PLEKHA8: variants seen among roughly 807,000 people sequenced by gnomAD.
The protein encoded by PLEKHA8 is pleckstrin homology domain-containing family A member 8.
In PLEKHA8, 36 loss-of-function variants were observed where a neutral mutation model predicts 68.2. That is an observed-to-expected ratio of 0.53 (90% confidence interval 0.40 to 0.70). The LOEUF (loss-of-function observed/expected upper bound fraction) is 0.70. Among genes scored for constraint, PLEKHA8 ranks in the 30% least tolerant of loss-of-function variants. The probability of loss-of-function intolerance (pLI) is 0.00; values close to 1 mark genes in which losing one functional copy is unlikely to be tolerated. For missense variants in PLEKHA8, 505 were observed against 615.4 expected (o/e 0.82, Z 1.90); for synonymous variants, 211 against 216.1 (o/e 0.98, Z 0.20).
intron 13 of PLEKHA8, among the ~76,000 whole-genome samples, chr7:30,112,635 A>G (rs956450603): frequency 1.9e-4 from 29 of 151,864 alleles, no homozygotes; most frequent in Non-Finnish European, 5.9e-5. Flanking sequence ...GGATAGCTTG[A>G]GGCTGGGAGG....
chr7:30,080,449 A>T lies in PLEKHA8; in HGVS notation c.*1662A>T. The T allele has an allele frequency of 1.0e-6, 1 of 985,304 alleles. No individual in the cohort carries two copies. Among genetic ancestry groups the T allele is most frequent in the Non-Finnish European group, 1.2e-6 (1 of 829,896 alleles). The allele number at this position is 985,304 out of a possible 1,614,324, so 61.0% of individuals were successfully genotyped here. ...GTTGAATTGAGAGCATCATCTCTAGATGATGCTGTTCCTGCTGCAGATCTC... is the reference window on the plus strand; with the variant it reads ...GTTGAATTGAGAGCATCATCTCTAGTTGATGCTGTTCCTGCTGCAGATCTC... On this transcript the variant is annotated 3_prime_UTR_variant, in exon 14 of 14. Coordinates refer to ENST00000449726, the MANE Select transcript of PLEKHA8 (RefSeq NM_001197026.2).
intron 1 of PLEKHA8, among the ~76,000 whole-genome samples, chr7:30,039,551 C>A (rs1583778909): frequency 6.6e-6 from 1 of 152,120 alleles, no homozygotes; most frequent in South Asian, 2.1e-4. Context: ...AAGATTTATT[C>A]TTAAGTAGTT....
chr7:30,077,770 T>G (rs1794698706), intron 13 of PLEKHA8, among the ~76,000 whole-genome samples: 1 of 152,104 alleles, frequency 6.6e-6, no homozygotes, highest in Non-Finnish European at 1.5e-5. Flanking sequence ...AATTCAAGAT[T>G]CTTCAAAAAG....
intron 10 of PLEKHA8, among the ~76,000 whole-genome samples, chr7:30,061,368 C>T (rs1793424817): frequency 1.3e-5 from 2 of 152,202 alleles, no homozygotes; most frequent in Admixed American, 6.5e-5. Flanking sequence ...GGACCATCAA[C>T]AACTCACCAA....
At chr7:30,068,046 C>G (rs1033044837) in intron 12 of PLEKHA8, among the ~76,000 whole-genome samples, 2 of 152,248 alleles carry the variant, frequency 1.3e-5, no homozygotes, top group Non-Finnish European at 1.5e-5. Flanking sequence ...CTCTGGCTGT[C>G]TACAGACTGG....
At chr7:30,113,241 C>T (rs1473684334) in intron 13 of PLEKHA8, among the ~76,000 whole-genome samples, 1 of 152,116 alleles carries the variant, frequency 6.6e-6, no homozygotes, top group Non-Finnish European at 1.5e-5. Context: ...TAAAATGTTC[C>T]CATAGTAACA....
intron 13 of PLEKHA8, chr7:30,115,883 T>A (rs372331111): frequency 1.4e-5 from 2 of 144,672 alleles, no homozygotes; most frequent in Non-Finnish European, 3.1e-5. Flanking sequence ...TAGGCACGCA[T>A]ACATGCGTAT....
At chr7:30,041,778 G>C (rs1406952969) in intron 1 of PLEKHA8, among the ~76,000 whole-genome samples, 2 of 152,098 alleles carry the variant, frequency 1.3e-5, no homozygotes, top group Non-Finnish European at 2.9e-5. Flanking sequence ...ATTCTTGTAA[G>C]ATAAAACTAG....
chr7:30,028,516 A>T lies in PLEKHA8; in HGVS notation c.-247A>T, dbSNP rs1790379421. 5 of 365,330 alleles carry T rather than the reference A, an allele frequency of 1.4e-5. No homozygotes were observed. Among genetic ancestry groups the T allele is most frequent in the Non-Finnish European group, 2.4e-5 (5 of 204,940 alleles). The allele number at this position is 365,330 out of a possible 1,614,324, so 22.6% of individuals were successfully genotyped here. On this transcript the variant is annotated 5_prime_UTR_variant, in exon 1 of 14. Coordinates refer to ENST00000449726, the MANE Select transcript of PLEKHA8 (RefSeq NM_001197026.2). ...GGGCCCGGACCCGGGCCTCCTTGTG[A>T]ACAGCGTGCCGGCTTCGCCCCACGG...
At chr7:30,125,651 C>T (rs1796760096) in intron 13 of PLEKHA8, among the ~76,000 whole-genome samples, 1 of 152,148 alleles carries the variant, frequency 6.6e-6, no homozygotes, top group Non-Finnish European at 1.5e-5. Flanking sequence ...TAAAATGTTT[C>T]CTTAGCCTGG....
In PLEKHA8 at chr7:30,082,166, T is replaced by C. The variant is rs887531303; in HGVS notation, c.*3379T>C. 5.1e-6 allele frequency: 5 copies of C among 985,420 alleles called. No individual in the cohort carries two copies. In the African/African-American group the frequency reaches 8.7e-5, roughly 17 times the overall value. The allele number at this position is 985,420 out of a possible 1,614,324, so 61.0% of individuals were successfully genotyped here. A position where few individuals can be genotyped will look rare whatever the true frequency, so the allele number is the denominator to read the frequency against. On this transcript the variant is annotated 3_prime_UTR_variant, in exon 14 of 14. Transcript: ENST00000449726. Reference sequence around the variant, plus strand: ...ATAAGTAGTGGCTTGAGGCACCTTCTTATCATTTTTTGCATGTTATTCTGA... The same window carrying C: ...ATAAGTAGTGGCTTGAGGCACCTTCCTATCATTTTTTGCATGTTATTCTGA...
chr7:30,028,777 G>A lies in PLEKHA8; in HGVS notation c.15G>A (p.Leu5=). The stretch of plus-strand genomic sequence containing the variant: ...CCGCGGGCGCCATGGAGGGGGTGCT[G>A]TACAAGTGGACCAACTATCTGAGCG... MEGV[L]YKWTNYLSGW... Residue 5 remains leucine, a synonymous_variant, in exon 1 of 14, where the codon CTG becomes CTA. Transcript: ENST00000449726. 3 of 1,271,420 alleles carry A rather than the reference G, an allele frequency of 2.4e-6. No homozygotes were observed. Among genetic ancestry groups the A allele is most frequent in the Non-Finnish European group, 2.0e-6 (2 of 1,002,672 alleles). The allele number at this position is 1,271,420 out of a possible 1,614,324, so 78.8% of individuals were successfully genotyped here. A position where few individuals can be genotyped will look rare whatever the true frequency, so the allele number is the denominator to read the frequency against.
chr7:30,040,488 G>T (rs560523193), intron 1 of PLEKHA8, among the ~76,000 whole-genome samples: 48 of 152,158 alleles, frequency 3.2e-4, no homozygotes, highest in Non-Finnish European at 6.0e-4. Context: ...AATTGTCTCC[G>T]GTTGGGCCAC....
At chr7:30,094,368 G>C (rs1795525916), downstream of PLEKHA8, among the ~76,000 whole-genome samples, 2 of 151,272 alleles carry the variant, frequency 1.3e-5, no homozygotes, top group African/African-American at 4.9e-5. Flanking sequence ...TCCACCTCTT[G>C]GGTTCAAGCA....
chr7:30,036,670 C>T (rs142358715), intron 1 of PLEKHA8, among the ~76,000 whole-genome samples: 33 of 152,250 alleles, frequency 2.2e-4, no homozygotes, highest in African/African-American at 7.7e-4. Context: ...CATCTTCTAG[C>T]AGAAGGTTTT....
chr7:30,121,544 G>A (rs753493753), intron 13 of PLEKHA8, among the ~76,000 whole-genome samples: 14 of 152,070 alleles, frequency 9.2e-5, no homozygotes, highest in Non-Finnish European at 1.8e-4. Context: ...CAGGAGAATC[G>A]CTTGAACCCA....
chr7:30,049,557 T>A, intron 5 of PLEKHA8, 175 bp downstream of exon 5: 1 of 769,708 alleles, frequency 1.3e-6, no homozygotes, highest in Non-Finnish European at 1.9e-6. Flanking sequence ...GTCAGTTATT[T>A]GTGGCAATTT....
intron 13 of PLEKHA8, among the ~76,000 whole-genome samples, chr7:30,101,193 G>GA (rs1795840348): frequency 6.8e-6 from 1 of 147,800 alleles, no homozygotes; most frequent in Admixed American, 6.7e-5. Flanking sequence ...AAAAAAAAAA[G>GA]AAGAAAGAAA....
chr7:30,046,366 G>T lies in PLEKHA8; in HGVS notation c.313+1G>T. On this transcript the variant is annotated splice_donor_variant, in intron 3 of 13. Coordinates refer to ENST00000449726, the MANE Select transcript of PLEKHA8 (RefSeq NM_001197026.2). LOFTEE classifies it high-confidence loss of function. Reference sequence around the variant, plus strand: ...GACAGTAGGACCCAGAAGGAGAAAGGCAAGTACTGATTGTCCTTTGCTGTG... The same window carrying T: ...GACAGTAGGACCCAGAAGGAGAAAGTCAAGTACTGATTGTCCTTTGCTGTG... 1 of 1,598,376 alleles carries T rather than the reference G, an allele frequency of 6.3e-7. No homozygotes were observed. The highest frequency in any genetic ancestry group is 8.5e-7 in the Non-Finnish European group (1 of 1,173,224).
Sources: gnomAD v4.1 joint callset for allele counts (sites outside exome capture counted in the v4.1 genomes callset) on GRCh38, gnomAD v4.1.1 for gene constraint, MANE v1.5 for transcripts, NCBI Gene and HGNC (gene_info 2026-07-23, HGNC 2026-07-21) for gene names.